The following CDH4 variants were observed in gnomAD, a reference collection of about 807,000 sequenced individuals.
CDH4 encodes cadherin 4.
A neutral mutation model predicts 86.0 loss-of-function variants in CDH4; 33 were observed. The observed-to-expected ratio is 0.38, with a 90% CI of 0.29 to 0.51. The LOEUF is 0.51. Ranked by LOEUF, CDH4 falls within the 20% of genes least tolerant of loss-of-function variation. The pLI is 0.86. For missense variants in CDH4, 1,114 were observed against 1,307.4 expected (o/e 0.85, Z 2.28); for synonymous variants, 555 against 549.4 (o/e 1.01, Z -0.14).
At chr20:61,490,580 T>A (rs2085620590) in intron 2 of CDH4, among the ~76,000 whole-genome samples, 1 of 152,014 alleles carries the variant, frequency 6.6e-6, no homozygotes, top group Non-Finnish European at 1.5e-5. Flanking sequence ...GTGCCTGTAA[T>A]CCCAGCTACT....
chr20:61,902,396 C>T lies in CDH4; in HGVS notation c.1188+7349C>T, dbSNP rs943770310. Reference sequence around the variant, plus strand: ...AATGCCAGCCATGCCCTGGGGCACGCGGTCACCACCCCGCAGAACCGCTCC... The same window carrying T: ...AATGCCAGCCATGCCCTGGGGCACGTGGTCACCACCCCGCAGAACCGCTCC... On this transcript the variant is annotated intron_variant, in intron 8 of 15. Coordinates refer to ENST00000614565, the MANE Select transcript of CDH4 (RefSeq NM_001794.5). This position sits in a 1 kb window ranked among gnomAD's most constrained non-coding sequence, Gnocchi z 4.6. Among the ~76,000 whole-genome samples the T allele has an allele frequency of 2.2e-4, 33 of 152,254 alleles. No individual in the cohort carries two copies. Among genetic ancestry groups the T allele is most frequent in the African/African-American group, 7.5e-4 (31 of 41,474 alleles).
At chr20:61,511,540 C>G (rs974213379) in intron 2 of CDH4, among the ~76,000 whole-genome samples, 5 of 152,268 alleles carry the variant, frequency 3.3e-5, no homozygotes, top group African/African-American at 1.2e-4. Context: ...AAGCTTCTCT[C>G]TGCTTTGACC....
intron 2 of CDH4, among the ~76,000 whole-genome samples, chr20:61,654,014 A>G (rs921092634): frequency 2.6e-5 from 4 of 151,840 alleles, no homozygotes; most frequent in South Asian, 2.1e-4. Context: ...CTCACTTCCC[A>G]GACAGGGTGG....
chr20:61,423,057 G>A (rs530784167), intron 2 of CDH4, among the ~76,000 whole-genome samples: 2 of 152,330 alleles, frequency 1.3e-5, no homozygotes, highest in South Asian at 2.1e-4. Flanking sequence ...CTGAGTGGAC[G>A]TGGTAGAGAA....
At position 61,417,673 on chromosome 20, in the gene CDH4, G is replaced by A. The variant is rs985987942; in HGVS notation, c.169+162736G>A. 6.4e-4 allele frequency among the ~76,000 whole-genome samples: 98 copies of A among 152,322 alleles called. No individual in the cohort carries two copies. The highest frequency in any genetic ancestry group is 2.3e-3 in the African/African-American group (94 of 41,568). On this transcript the variant is annotated intron_variant, in intron 2 of 15. Coordinates refer to ENST00000614565, the MANE Select transcript of CDH4 (RefSeq NM_001794.5). The surrounding 1 kb of genome is among the most constrained non-coding windows in gnomAD (Gnocchi z 4.0). ...CAAATTTCTAGCCGCTTCCCTCTCA[G>A]AACATGCATTTCTCCTGACTTGTAT...
chr20:61,405,038 G>T (rs746963141), intron 2 of CDH4, among the ~76,000 whole-genome samples: 3 of 152,166 alleles, frequency 2.0e-5, no homozygotes, highest in African/African-American at 7.2e-5. Context: ...TACAGAGTAA[G>T]ATTCAGTCTC....
intron 2 of CDH4, among the ~76,000 whole-genome samples, chr20:61,489,402 G>C (rs554337612): frequency 6.6e-6 from 1 of 152,220 alleles, no homozygotes; most frequent in Non-Finnish European, 1.5e-5. Context: ...TGGCCCAGTA[G>C]TTTCTTTCCT....
chr20:61,276,410 G>GT (rs1256075628), intron 2 of CDH4, among the ~76,000 whole-genome samples: 2 of 152,232 alleles, frequency 1.3e-5, no homozygotes, highest in African/African-American at 4.8e-5. Flanking sequence ...TAGACTCAAT[G>GT]TAAGTAGCTT....
rs2055064281 is a variant in CDH4, at chr20:61,928,079, G to A, written c.1772-111G>A. The A allele has an allele frequency of 7.2e-6, 6 of 836,492 alleles. No homozygotes were observed. The East Asian group carries it at 1.5e-4, about 20-fold the overall frequency. The allele number at this position is 836,492 out of a possible 1,614,324, so 51.8% of individuals were successfully genotyped here. On this transcript the variant is annotated intron_variant, in intron 11 of 15. Coordinates refer to ENST00000614565, the MANE Select transcript of CDH4 (RefSeq NM_001794.5). ...TGTCCGGCTGGGGGTCTGCACATGT[G>A]TCCCTGTGTATGTTGCACGTGGTTG...
intron 4 of CDH4, among the ~76,000 whole-genome samples, chr20:61,836,299 A>G (rs1296287624): frequency 6.6e-6 from 1 of 152,200 alleles, no homozygotes; most frequent in Admixed American, 6.5e-5. Context: ...AAAATTCAGG[A>G]GGTGCCTCTC....
At chr20:61,317,582 G>A (rs1210856767) in intron 2 of CDH4, among the ~76,000 whole-genome samples, 1 of 152,180 alleles carries the variant, frequency 6.6e-6, no homozygotes, top group Non-Finnish European at 1.5e-5. Flanking sequence ...ATGGGGGGCT[G>A]GATGAGTCTG....
intron 2 of CDH4, among the ~76,000 whole-genome samples, chr20:61,323,611 G>A (rs2084520828): frequency 6.6e-6 from 1 of 152,164 alleles, no homozygotes; most frequent in African/African-American, 2.4e-5. Context: ...CCCTGACGGT[G>A]ATAATTTACC....
chr20:61,789,572 T>A (rs2146012687), intron 4 of CDH4, among the ~76,000 whole-genome samples: 1 of 152,232 alleles, frequency 6.6e-6, no homozygotes, highest in Non-Finnish European at 1.5e-5. Context: ...TCTACACACA[T>A]AAGGCACATC....
At chr20:61,850,930 C>T (rs1465136793) in intron 5 of CDH4, among the ~76,000 whole-genome samples, 1 of 152,242 alleles carries the variant, frequency 6.6e-6, no homozygotes, top group Admixed American at 6.5e-5. Context: ...TCCGCACTCG[C>T]GCTGCTCCCG....
chr20:61,488,104 T>A (rs1281879778), intron 2 of CDH4, among the ~76,000 whole-genome samples: 1 of 152,224 alleles, frequency 6.6e-6, no homozygotes, highest in Admixed American at 6.5e-5. Flanking sequence ...ATGACGCCAA[T>A]GATCATGGCC....
At chr20:61,420,147 G>A (rs2085169311) in intron 2 of CDH4, among the ~76,000 whole-genome samples, 1 of 152,254 alleles carries the variant, frequency 6.6e-6, no homozygotes, top group African/African-American at 2.4e-5. Context: ...CTTACAAGTG[G>A]TCTCCAGCCA....
chr20:61,562,952 G>A (rs1311485436), intron 2 of CDH4, among the ~76,000 whole-genome samples: 1 of 152,176 alleles, frequency 6.6e-6, no homozygotes, highest in Non-Finnish European at 1.5e-5. Context: ...GATGCTGACT[G>A]AAGCCCTCCC....
chr20:61,512,159 T>TG (rs2085784868), intron 2 of CDH4, among the ~76,000 whole-genome samples: 1 of 152,178 alleles, frequency 6.6e-6, no homozygotes, highest in South Asian at 2.1e-4. Context: ...GTCCTGCAGC[T>TG]GGGTTCCTGG....
At position 61,341,884 on chromosome 20, in the gene CDH4, C is replaced by T. The variant is rs540018321; in HGVS notation, c.169+86947C>T. 3.3e-5 allele frequency among the ~76,000 whole-genome samples: 5 copies of T among 152,316 alleles called. No homozygotes were observed. The East Asian group carries it at 7.7e-4, about 24-fold the overall frequency. Reference sequence around the variant, plus strand: ...CATCCTGCCTTGAGAGGACCCAGGACAGTCATTTCCTAGGGGTTTGCGTCT... The same window carrying T: ...CATCCTGCCTTGAGAGGACCCAGGATAGTCATTTCCTAGGGGTTTGCGTCT... On this transcript the variant is annotated intron_variant, in intron 2 of 15. Coordinates refer to ENST00000614565, the MANE Select transcript of CDH4 (RefSeq NM_001794.5).
Sources: allele counts gnomAD v4.1 joint callset (sites outside exome capture counted in the v4.1 genomes callset), GRCh38; gene constraint gnomAD v4.1.1; non-coding constraint Gnocchi (gnomAD v3.1); transcripts MANE v1.5; gene names NCBI Gene and HGNC (gene_info 2026-07-23, HGNC 2026-07-21).